The following MRTFA variants were observed in gnomAD, a reference collection of about 807,000 sequenced individuals.
MRTFA encodes myocardin related transcription factor A, also known as myocardin-related transcription factor A.
Under a neutral mutation model 83.5 loss-of-function variants are expected in MRTFA, and 20 were observed. That is an observed-to-expected ratio of 0.24 (90% CI 0.17 to 0.35). MRTFA has a LOEUF of 0.35. Among genes scored for constraint, MRTFA ranks in the 10% least tolerant of loss-of-function variants. The probability of loss-of-function intolerance (pLI) is 1.00; values close to 1 mark genes in which losing one functional copy is unlikely to be tolerated. For missense variants in MRTFA, 1,200 were observed against 1,224.7 expected (o/e 0.98, Z 0.30); for synonymous variants, 659 against 541.2 (o/e 1.22, Z -3.02).
intron 4 of MRTFA, among the ~76,000 whole-genome samples, chr22:40,461,143 T>C (rs2053703408): frequency 7.3e-6 from 1 of 136,540 alleles, no homozygotes; most frequent in African/African-American, 2.8e-5. Context: ...AGGTGGACGC[T>C]GCAGTGAGCC....
chr22:40,565,468 G>T (rs1464278468), intron 2 of MRTFA, among the ~76,000 whole-genome samples: 1 of 152,090 alleles, frequency 6.6e-6, no homozygotes, highest in Non-Finnish European at 1.5e-5. Flanking sequence ...GATCACTTGG[G>T]CCCAGGAGGT....
chr22:40,449,687 AAAG>A (rs1174050848), intron 4 of MRTFA, among the ~76,000 whole-genome samples: 4 of 152,258 alleles, frequency 2.6e-5, no homozygotes, highest in African/African-American at 4.8e-5. Context: ...TACACTTAGT[AAAG>A]AAGGACTTGC....
In MRTFA at chr22:40,458,108, G is replaced by C. The variant is rs1037269541; in HGVS notation, c.307+5113C>G. On this transcript the variant is annotated intron_variant, in intron 4 of 14. Coordinates refer to ENST00000355630, the MANE Select transcript of MRTFA (RefSeq NM_020831.6). The stretch of plus-strand genomic sequence containing the variant: ...TCATCCTGGATACAGTGGCATTCCT[G>C]GTCTTAATCTTTGGATTTCAAGACC... Among the ~76,000 whole-genome samples the C allele has an allele frequency of 2.0e-5, 3 of 152,044 alleles. No homozygotes were observed. In the East Asian group the frequency reaches 5.8e-4, roughly 29 times the overall value.
intron 1 of MRTFA, among the ~76,000 whole-genome samples, chr22:40,635,823 G>A (rs2056690539): frequency 6.6e-6 from 1 of 152,158 alleles, no homozygotes; most frequent in African/African-American, 2.4e-5. Flanking sequence ...GGAAACCAAG[G>A]CACAAGATTA....
intron 4 of MRTFA, among the ~76,000 whole-genome samples, chr22:40,437,813 A>G (rs1281267368): frequency 2.0e-5 from 3 of 151,278 alleles, no homozygotes; most frequent in Non-Finnish European, 4.4e-5. Flanking sequence ...GTTTACTCTC[A>G]GTCTCCCACG....
chr22:40,523,089 C>T (rs934126438), intron 3 of MRTFA: 16 of 151,380 alleles, frequency 1.1e-4, no homozygotes, highest in African/African-American at 3.9e-4. Flanking sequence ...AAAAATAAGC[C>T]TATTTGTTCT....
chr22:40,491,877 C>G (rs1420381703), intron 3 of MRTFA, among the ~76,000 whole-genome samples: 1 of 152,176 alleles, frequency 6.6e-6, no homozygotes, highest in African/African-American at 2.4e-5. Flanking sequence ...ATAAACCACC[C>G]AAAGTCAAAG....
chr22:40,413,937 G>GT (rs1419518538), intron 14 of MRTFA, among the ~76,000 whole-genome samples: 2 of 152,190 alleles, frequency 1.3e-5, no homozygotes, highest in Non-Finnish European at 2.9e-5. Context: ...AGAAGTGCTG[G>GT]TGAGGAGGTG....
chr22:40,563,582 G>T (rs1274636082), intron 2 of MRTFA, among the ~76,000 whole-genome samples: 1 of 151,914 alleles, frequency 6.6e-6, no homozygotes, highest in East Asian at 1.9e-4. Context: ...TCTAGAGAGG[G>T]CCAGGTGTAG....
intron 4 of MRTFA, among the ~76,000 whole-genome samples, chr22:40,438,692 TAC>T (rs959836196): frequency 2.0e-5 from 3 of 152,204 alleles, no homozygotes; most frequent in African/African-American, 7.2e-5. Flanking sequence ...TAACTTTTAT[TAC>T]AGTGTATTGT....
chr22:40,466,878 T>C (rs997050070), intron 3 of MRTFA, among the ~76,000 whole-genome samples: 1 of 152,136 alleles, frequency 6.6e-6, no homozygotes, highest in Non-Finnish European at 1.5e-5. Flanking sequence ...ATTTAATAAA[T>C]TTGATTCAAG....
At chr22:40,631,065 T>C (rs2056636534) in intron 1 of MRTFA, among the ~76,000 whole-genome samples, 1 of 152,206 alleles carries the variant, frequency 6.6e-6, no homozygotes, top group South Asian at 2.1e-4. Context: ...ACACCCTTAA[T>C]GGCAACTTGT....
intron 3 of MRTFA, among the ~76,000 whole-genome samples, chr22:40,512,862 G>C (rs2054689914): frequency 6.6e-6 from 1 of 152,132 alleles, no homozygotes; most frequent in Admixed American, 6.6e-5. Context: ...TTCGCAATGT[G>C]CATCTTAAAA....
intron 2 of MRTFA, among the ~76,000 whole-genome samples, chr22:40,585,228 C>T (rs569209477): frequency 3.3e-5 from 5 of 151,908 alleles, no homozygotes; most frequent in East Asian, 1.9e-4. Context: ...TGTCTGAGGT[C>T]GATGATTACT....
chr22:40,414,458 G>C (rs1270026697), intron 14 of MRTFA, among the ~76,000 whole-genome samples: 1 of 152,220 alleles, frequency 6.6e-6, no homozygotes, highest in Non-Finnish European at 1.5e-5. Flanking sequence ...AACATCCAAA[G>C]GGTGGAAACA....
At chr22:40,498,241 G>A (rs936652416) in intron 3 of MRTFA, among the ~76,000 whole-genome samples, 1 of 128,298 alleles carries the variant, frequency 7.8e-6, no homozygotes, top group Admixed American at 8.1e-5. Flanking sequence ...CACAGTTAAC[G>A]GTACACACTT....
chr22:40,614,715 G>T (rs1210059544), intron 1 of MRTFA, among the ~76,000 whole-genome samples: 1 of 152,054 alleles, frequency 6.6e-6, no homozygotes, highest in Non-Finnish European at 1.5e-5. Flanking sequence ...TCAAACTCTC[G>T]ACCTCAGGTG....
At chr22:40,509,856 C>T (rs1489300924) in intron 3 of MRTFA, among the ~76,000 whole-genome samples, 1 of 150,430 alleles carries the variant, frequency 6.6e-6, no homozygotes, top group African/African-American at 2.5e-5. Context: ...AGCCCCAGTG[C>T]AAGGCCATGA....
At chr22:40,476,502 G>C (rs1342275683) in intron 3 of MRTFA, among the ~76,000 whole-genome samples, 1 of 152,044 alleles carries the variant, frequency 6.6e-6, no homozygotes, top group Non-Finnish European at 1.5e-5. Context: ...CTGTCACCCA[G>C]GCTGGAGAGC....
Sources: allele counts gnomAD v4.1 joint callset (sites outside exome capture counted in the v4.1 genomes callset), GRCh38; gene constraint gnomAD v4.1.1; transcripts MANE v1.5; gene names NCBI Gene and HGNC (gene_info 2026-07-23, HGNC 2026-07-21).